CYP4Z1: variants seen among roughly 807,000 people sequenced by gnomAD.
The protein encoded by CYP4Z1 is cytochrome P450 family 4 subfamily Z member 1, also known as cytochrome P450 4Z1.
CYP4Z1 carries 41 observed loss-of-function variants against 54.2 expected under a neutral mutation model. The ratio of observed to expected loss-of-function variants is 0.76; its 90% CI spans 0.59 to 0.98. CYP4Z1 has a LOEUF of 0.98. Among genes scored for constraint, CYP4Z1 ranks in the 50% least tolerant of loss-of-function variants. The pLI, the probability that CYP4Z1 is intolerant of heterozygous loss-of-function variation, is 0.00. For missense variants in CYP4Z1, 513 were observed against 599.0 expected, an observed-to-expected ratio of 0.86 and a Z score of 1.50; for synonymous variants, 163 against 206.2, an observed-to-expected ratio of 0.79 and a Z score of 1.79.
At chr1:47,097,296 A>G (rs1392144706) in intron 7 of CYP4Z1, 1 of 152,218 alleles carries the variant, frequency 6.6e-6, no homozygotes, top group Non-Finnish European at 1.5e-5. Flanking sequence ...TCTTTATAAT[A>G]GAATGATTTG....
chr1:47,057,335 A>AAAAAAAAAAAAAAAT, the CYP4Z1 span, among the ~76,000 whole-genome samples: 27 of 28,474 alleles, frequency 9.5e-4, no homozygotes, highest in Non-Finnish European at 1.6e-3. Flanking sequence ...AAGAAAAAAA[A>AAAAAAAAAAAAAAAT]ATATATATAT....
chr1:47,107,164 T>C (rs1222727948), intron 9 of CYP4Z1, among the ~76,000 whole-genome samples: 1 of 152,212 alleles, frequency 6.6e-6, no homozygotes, highest in African/African-American at 2.4e-5. Context: ...CCATATGTTT[T>C]GCATGTGTTA....
At chr1:47,114,908 A>G (rs868831677) in intron 9 of CYP4Z1, among the ~76,000 whole-genome samples, 165 of 152,326 alleles carry the variant, frequency 1.1e-3, no homozygotes, top group African/African-American at 3.6e-3. Flanking sequence ...GGGATCTAGA[A>G]CTAGAAATAC....
chr1:47,103,323 G>A lies in CYP4Z1; in HGVS notation c.1068-2805G>A, dbSNP rs1248352421. Among the ~76,000 whole-genome samples the A allele has an allele frequency of 3.3e-5, 5 of 150,716 alleles. No homozygotes were observed. In the South Asian group the frequency reaches 8.4e-4, roughly 25 times the overall value. ...GCCTTCCAAGTAGCTGGGATTACAG[G>A]CATGTGCCACCATGCCTGGCTAATT... On this transcript the variant is annotated intron_variant, in intron 8 of 11. Transcript: ENST00000334194.
At chr1:47,068,153 GATAAAGC>G (rs1304100419) in intron 1 of CYP4Z1, among the ~76,000 whole-genome samples, 1 of 152,226 alleles carries the variant, frequency 6.6e-6, no homozygotes, top group Non-Finnish European at 1.5e-5. Flanking sequence ...TTTGGAGGCA[GATAAAGC>G]ATGAGTGGGT....
At chr1:47,109,384 G>A (rs2148541059) in intron 9 of CYP4Z1, among the ~76,000 whole-genome samples, 1 of 152,218 alleles carries the variant, frequency 6.6e-6, no homozygotes, top group East Asian at 1.9e-4. Flanking sequence ...CCATAGAAAA[G>A]GTTTAGAAAT....
chr1:47,060,612 C>T, the CYP4Z1 span, among the ~76,000 whole-genome samples: 5 of 152,170 alleles, frequency 3.3e-5, no homozygotes, highest in Non-Finnish European at 7.3e-5. Flanking sequence ...TAGTGGCAGA[C>T]TTCAACCCTC....
chr1:47,067,938 T>C (rs1644462547), intron 1 of CYP4Z1, among the ~76,000 whole-genome samples: 1 of 152,216 alleles, frequency 6.6e-6, no homozygotes, highest in Non-Finnish European at 1.5e-5. Context: ...CCTGGTCTTC[T>C]GATTCAAGGC....
At chr1:47,105,309 G>T (rs1365065318) in intron 8 of CYP4Z1, among the ~76,000 whole-genome samples, 1 of 152,146 alleles carries the variant, frequency 6.6e-6, no homozygotes, top group Non-Finnish European at 1.5e-5. Context: ...GAGCTCTCCA[G>T]ATGATGCCAC....
chr1:47,078,180 T>C (rs1036974558), intron 2 of CYP4Z1, among the ~76,000 whole-genome samples: 74 of 152,202 alleles, frequency 4.9e-4, no homozygotes, highest in African/African-American at 1.6e-3. Context: ...GTTAGTATGC[T>C]TGATGGTGTC....
intron 1 of CYP4Z1, among the ~76,000 whole-genome samples, chr1:47,068,267 C>G (rs1029495929): frequency 5.9e-5 from 9 of 152,154 alleles, no homozygotes; most frequent in African/African-American, 2.2e-4. Flanking sequence ...ATTTTCATGG[C>G]AGCTTTGTAA....
intron 2 of CYP4Z1, among the ~76,000 whole-genome samples, chr1:47,076,824 G>A (rs1236300403): frequency 6.2e-5 from 6 of 96,346 alleles, no homozygotes; most frequent in East Asian, 7.6e-4. Flanking sequence ...CAGCCTGGGC[G>A]ACAGAGCCAG....
At chr1:47,066,931 A>C (rs1644454396), upstream of CYP4Z1, among the ~76,000 whole-genome samples, 1 of 151,930 alleles carries the variant, frequency 6.6e-6, no homozygotes, top group Non-Finnish European at 1.5e-5. Context: ...TTGGGTGACG[A>C]TAATGTGTCA....
intron 2 of CYP4Z1, among the ~76,000 whole-genome samples, chr1:47,079,480 T>C (rs553549674): frequency 4.3e-4 from 65 of 152,240 alleles, no homozygotes; most frequent in Non-Finnish European, 8.1e-4. Flanking sequence ...ACATTATTTT[T>C]TAGGACCCTG....
At chr1:47,065,348 GA>G (rs968267230), upstream of CYP4Z1, among the ~76,000 whole-genome samples, 1 of 151,346 alleles carries the variant, frequency 6.6e-6, no homozygotes, top group African/African-American at 2.4e-5. Flanking sequence ...AACCACAATG[GA>G]AAAAAAATTG....
intron 2 of CYP4Z1, among the ~76,000 whole-genome samples, chr1:47,080,362 T>C (rs1362997033): frequency 1.4e-3 from 82 of 59,484 alleles, no homozygotes; most frequent in African/African-American, 5.8e-3. Context: ...CTGAAAATTA[T>C]ACAAAGGAAA....
the CYP4Z1 span, among the ~76,000 whole-genome samples, chr1:47,059,185 A>T: frequency 6.6e-6 from 1 of 152,200 alleles, no homozygotes; most frequent in Admixed American, 6.5e-5. Flanking sequence ...AATAAATTTT[A>T]TTAACAATTT....
intron 11 of CYP4Z1, among the ~76,000 whole-genome samples, chr1:47,117,486 C>T (rs1463876518): frequency 6.6e-6 from 1 of 152,080 alleles, no homozygotes; most frequent in East Asian, 1.9e-4. Context: ...TGCGGTGGCT[C>T]TTACCTGTAA....
In CYP4Z1 at chr1:47,087,910, G is replaced by A. The variant is rs540741573; in HGVS notation, c.772+2932G>A. On this transcript the variant is annotated intron_variant, in intron 6 of 11. Transcript: ENST00000334194. ...TTGAGAGATTTTAGCATGAAGGGCT[G>A]TTGAATTTTGTCAAAGGCCTTTTCT... 6.0e-4 allele frequency among the ~76,000 whole-genome samples: 91 copies of A among 152,310 alleles called. 1 individual carries two copies. Among genetic ancestry groups the A allele is most frequent in the African/African-American group, 2.1e-3 (87 of 41,562 alleles).
Sources: gnomAD v4.1 joint callset for allele counts (sites outside exome capture counted in the v4.1 genomes callset) on GRCh38, gnomAD v4.1.1 for gene constraint, MANE v1.5 for transcripts, NCBI Gene and HGNC (gene_info 2026-07-23, HGNC 2026-07-21) for gene names.